The following GGH variants were observed in gnomAD, a reference collection of about 807,000 sequenced individuals.
GGH encodes the protein gamma-Glu-X carboxypeptidase.
GGH carries 18 observed loss-of-function variants against 39.2 expected under a neutral mutation model. The ratio of observed to expected loss-of-function variants is 0.46; its 90% CI spans 0.32 to 0.68. The LOEUF is 0.68. Ranked by LOEUF, GGH falls within the 30% of genes least tolerant of loss-of-function variation. The pLI is 0.04. For synonymous variants in GGH, 147 were observed against 138.8 expected, an observed-to-expected ratio of 1.06 and a Z score of -0.42; for missense variants, 367 against 384.1, an observed-to-expected ratio of 0.96 and a Z score of 0.37.
chr8:63,019,118 G>A lies in GGH; in HGVS notation c.698-1488C>T, dbSNP rs1804540794. Among the ~76,000 whole-genome samples the A allele has an allele frequency of 2.0e-5, 3 of 152,182 alleles. No individual in the cohort carries two copies. In the South Asian group the frequency reaches 6.2e-4, roughly 31 times the overall value. ...TGATGCTTTACAAAAAATTTATGGG[G>A]ATAATGTCCCAAAGAAATCAGCAGT... On this transcript the variant is annotated intron_variant, in intron 7 of 8. Coordinates refer to ENST00000260118, the MANE Select transcript of GGH (RefSeq NM_003878.3).
At chr8:63,017,948 G>T in intron 7 of GGH, 1 of 206,804 alleles carries the variant, frequency 4.8e-6, no homozygotes. Context: ...GGTGATACAA[G>T]TTTCTTCCGC....
chr8:63,021,483 C>T (rs1804583592), intron 7 of GGH, among the ~76,000 whole-genome samples: 1 of 152,112 alleles, frequency 6.6e-6, no homozygotes, highest in Non-Finnish European at 1.5e-5. Flanking sequence ...TGTGCGACAT[C>T]CTGGGTAACA....
chr8:63,027,232 T>G lies in GGH; in HGVS notation c.309A>C (p.Arg103Ser). ...TGGCCACTTTAGCATAATCTGAGCG[T>G]CTGAGGTCAACACTTCCTCCAGGGA... Reference protein sequence around the residue: ...ILFPGGSVDLRRSDYAKVAKI... With the variant: ...ILFPGGSVDLSRSDYAKVAKI... The change falls in exon 4 of 9, where the codon AGA (arginine) becomes AGC (serine). Residue 103 changes from arginine to serine, a missense_variant. Coordinates refer to ENST00000260118, the MANE Select transcript of GGH (RefSeq NM_003878.3). 2.5e-6 allele frequency: 4 copies of G among 1,597,618 alleles called. No homozygotes were observed. Among genetic ancestry groups the G allele is most frequent in the Non-Finnish European group, 3.4e-6 (4 of 1,165,136 alleles).
chr8:63,017,335 A>C, intron 8 of GGH, 158 bp downstream of exon 8: 1 of 521,678 alleles, frequency 1.9e-6, no homozygotes, highest in Non-Finnish European at 3.4e-6. Flanking sequence ...TCTTGATTTT[A>C]GGGCTTTCAC....
In GGH at chr8:63,015,378, T is replaced by A. The variant is rs1177944061; in HGVS notation, c.911A>T (p.Tyr304Phe). 2 of 1,392,814 alleles carry A rather than the reference T, an allele frequency of 1.4e-6. No individual in the cohort carries two copies. The highest frequency in any genetic ancestry group is 2.0e-6 in the Non-Finnish European group (2 of 991,970). 86.3% of individuals were successfully genotyped at this position (1,392,814 alleles called of 1,614,324 possible). ...KALIYQFSPI[Y>F]TGNISSFQQC... is the part of the protein sequence containing the mutation. ...CTGAAATGAAGAAATATTTCCAGTATAAATTGGACTGAACTGATAAATCAA... is the reference window on the plus strand; with the variant it reads ...CTGAAATGAAGAAATATTTCCAGTAAAAATTGGACTGAACTGATAAATCAA... The change falls in exon 9 of 9, where the codon TAT becomes TTT. Residue 304 changes from tyrosine to phenylalanine, a missense_variant. By Grantham distance (22) the Tyr-to-Phe change is conservative (BLOSUM62 3). Coordinates refer to ENST00000260118, the MANE Select transcript of GGH (RefSeq NM_003878.3).
chr8:63,023,767 A>G (rs961114412), intron 7 of GGH, 140 bp downstream of exon 7: 6 of 511,428 alleles, frequency 1.2e-5, no homozygotes, highest in African/African-American at 2.0e-5. Context: ...CATGGACAAA[A>G]CATGTCTCCT....
At chr8:63,017,428 T>C (rs1804504910) in intron 8 of GGH, 65 bp downstream of exon 8, 2 of 1,097,602 alleles carry the variant, frequency 1.8e-6, no homozygotes. Context: ...TAGGCAAAAG[T>C]TCAGATAAGG....
intron 7 of GGH, among the ~76,000 whole-genome samples, chr8:63,021,446 C>T (rs1050607601): frequency 6.6e-6 from 1 of 152,098 alleles, no homozygotes; most frequent in African/African-American, 2.4e-5. Flanking sequence ...AAATGTTTTC[C>T]AATCGTAAGT....
At chr8:63,038,109 G>C (rs983216593) in intron 1 of GGH, among the ~76,000 whole-genome samples, 3 of 152,146 alleles carry the variant, frequency 2.0e-5, no homozygotes, top group Non-Finnish European at 4.4e-5. Context: ...AAATATGTTG[G>C]AAACGAAAAA....
At chr8:63,035,851 T>A in intron 1 of GGH, 81 bp from the exon 2 acceptor site, 1 of 1,199,648 alleles carries the variant, frequency 8.3e-7, no homozygotes, top group Non-Finnish European at 1.2e-6. Flanking sequence ...AGCAAAAATA[T>A]CATATTTTAT....
intron 2 of GGH, among the ~76,000 whole-genome samples, chr8:63,033,288 T>G (rs1173534209): frequency 6.6e-6 from 1 of 152,218 alleles, no homozygotes; most frequent in East Asian, 1.9e-4. Context: ...GGAATTGTAC[T>G]GTCTTCAATT....
Position 63,015,469 on chromosome 8 carries a change from T to C in GGH, c.836-16A>G, listed in dbSNP as rs776582627. ...TTTTTCCGAGCTGCAAGAAAAAAAG[T>C]TAATTTTTAAAAAGATCAGATGACA... is the stretch of plus-strand genomic sequence containing the variant. On this transcript the variant is annotated splice_polypyrimidine_tract_variant and intron_variant, in intron 8 of 8. Transcript: ENST00000260118. The C allele has an allele frequency of 4.7e-6, 7 of 1,491,698 alleles. No homozygotes were observed. The highest frequency in any genetic ancestry group is 6.4e-6 in the Non-Finnish European group (7 of 1,092,254). 92.4% of individuals were successfully genotyped at this position (1,491,698 alleles called of 1,614,324 possible).
chr8:63,022,112 G>A (rs1203298394), intron 7 of GGH, among the ~76,000 whole-genome samples: 4 of 149,382 alleles, frequency 2.7e-5, no homozygotes, highest in South Asian at 2.1e-4. Flanking sequence ...TTTTTTTTAC[G>A]AACACAACTT....
intron 7 of GGH, among the ~76,000 whole-genome samples, chr8:63,020,115 G>A (rs1282997063): frequency 1.3e-5 from 2 of 152,098 alleles, no homozygotes; most frequent in African/African-American, 2.4e-5. Context: ...TCAGTAACGA[G>A]TGAGATTTAC....
At chr8:63,017,830 CA>C (rs1804515038) in intron 7 of GGH, 200 bp from the exon 8 acceptor site, 1 of 463,140 alleles carries the variant, frequency 2.2e-6, no homozygotes, top group East Asian at 3.5e-5. Flanking sequence ...CACTGATTAG[CA>C]ACCTTTTACA....
intron 7 of GGH, among the ~76,000 whole-genome samples, chr8:63,020,294 T>C (rs553673884): frequency 6.6e-6 from 1 of 152,316 alleles, no homozygotes; most frequent in East Asian, 1.9e-4. Context: ...AATTTTCAAA[T>C]GAGCCTGGTA....
chr8:63,021,105 T>C (rs1024819034), intron 7 of GGH, among the ~76,000 whole-genome samples: 2 of 152,198 alleles, frequency 1.3e-5, no homozygotes, highest in Admixed American at 1.3e-4. Flanking sequence ...CCACCGAACA[T>C]TGTTTCTTTT....
chr8:63,036,360 T>C (rs796865387), intron 1 of GGH, among the ~76,000 whole-genome samples: 8 of 152,316 alleles, frequency 5.3e-5, no homozygotes, highest in African/African-American at 1.9e-4. Flanking sequence ...CAATATATAC[T>C]GTTGAATCAT....
chr8:63,016,769 C>T (rs1804494325), intron 8 of GGH, among the ~76,000 whole-genome samples: 1 of 152,168 alleles, frequency 6.6e-6, no homozygotes, highest in Non-Finnish European at 1.5e-5. Flanking sequence ...GCATCTACAA[C>T]CAAATTCTCG....
Sources: gnomAD v4.1 joint callset for allele counts (sites outside exome capture counted in the v4.1 genomes callset) on GRCh38, gnomAD v4.1.1 for gene constraint, MANE v1.5 for transcripts, NCBI Gene and HGNC (gene_info 2026-07-23, HGNC 2026-07-21) for gene names.